Variants in CUBN observed in about 807,000 individuals in gnomAD.
The protein encoded by CUBN is 460 kDa receptor.
A neutral mutation model predicts 405.3 loss-of-function variants in CUBN; 282 were observed. The ratio of observed to expected loss-of-function variants is 0.70; its 90% CI spans 0.63 to 0.77. The LOEUF is 0.77. CUBN is among the 30% of genes least tolerant of loss of function. CUBN has a pLI of 0.00. For missense variants in CUBN, 4,514 were observed against 4,475.2 expected (o/e 1.01, Z -0.25); for synonymous variants, 1,684 against 1,617.0 (o/e 1.04, Z -0.99).
intron 31 of CUBN, chr10:16,965,979 T>C (rs1333794717): frequency 2.1e-6 from 1 of 471,132 alleles, no homozygotes; most frequent in South Asian, 1.5e-5. Context: ...TGATTAAACC[T>C]AGAGAAAAGG....
At chr10:16,869,970 C>A in intron 58 of CUBN, 117 bp from the exon 59 acceptor site, 1 of 747,586 alleles carries the variant, frequency 1.3e-6, no homozygotes, top group Non-Finnish European at 2.4e-6. Flanking sequence ...ATTCAAAACT[C>A]ACTTGATATG....
At chr10:17,017,762 A>G (rs1043377071) in intron 28 of CUBN, among the ~76,000 whole-genome samples, 3 of 152,162 alleles carry the variant, frequency 2.0e-5, no homozygotes, top group Non-Finnish European at 4.4e-5. Context: ...TGGAGTTTAT[A>G]TTAGAAATCA....
chr10:16,899,900 A>G (rs1325087400), intron 53 of CUBN, among the ~76,000 whole-genome samples: 5 of 152,266 alleles, frequency 3.3e-5, no homozygotes, highest in African/African-American at 9.6e-5. Context: ...TGACTCTACC[A>G]GAAATAATTG....
At chr10:17,053,284 A>T (rs182491149) in intron 22 of CUBN, among the ~76,000 whole-genome samples, 2 of 152,130 alleles carry the variant, frequency 1.3e-5, no homozygotes, top group Admixed American at 6.6e-5. Context: ...CAGAAAAAGC[A>T]GGACCCAATT....
At chr10:16,889,937 A>AAAAAAAAAAAAAAAAAAAAAAAAAC in intron 55 of CUBN, among the ~76,000 whole-genome samples, 1 of 121,650 alleles carries the variant, frequency 8.2e-6, no homozygotes, top group African/African-American at 3.6e-5. Flanking sequence ...CGCCGTGTCA[A>AAAAAAAAAAAAAAAAAAAAAAAAAC]AAAAAAAAAA....
At chr10:16,931,480 C>T (rs920463169) in intron 40 of CUBN, among the ~76,000 whole-genome samples, 1 of 152,162 alleles carries the variant, frequency 6.6e-6, no homozygotes, top group East Asian at 1.9e-4. Context: ...CACTTTAAAA[C>T]ATTTGTGTTG....
intron 31 of CUBN, among the ~76,000 whole-genome samples, chr10:16,974,955 T>C (rs11254310): frequency 0.029 from 4,386 of 152,310 alleles, 173 homozygotes; most frequent in East Asian, 0.19. Flanking sequence ...ATAAAACATA[T>C]AAAATATCTG....
At chr10:17,006,626 C>T (rs1398162255) in intron 28 of CUBN, among the ~76,000 whole-genome samples, 2 of 152,088 alleles carry the variant, frequency 1.3e-5, no homozygotes, top group African/African-American at 2.4e-5. Context: ...GAAACACTGC[C>T]GACCTCATGG....
chr10:16,835,752 T>C lies in CUBN; in HGVS notation c.10180+483A>G, dbSNP rs189708514. 3.5e-3 allele frequency among the ~76,000 whole-genome samples: 529 copies of C among 152,254 alleles called. 3 individuals are homozygous for C. The highest frequency in any genetic ancestry group is 0.012 in the African/African-American group (495 of 41,562). On this transcript the variant is annotated intron_variant, in intron 63 of 66. Coordinates refer to ENST00000377833, the MANE Select transcript of CUBN (RefSeq NM_001081.4). Reference sequence around the variant, plus strand: ...AAACTTCTTATAATAATCAGGTAACTCTTTCAAGGCTTTTTGATTTTTACA... The same window carrying C: ...AAACTTCTTATAATAATCAGGTAACCCTTTCAAGGCTTTTTGATTTTTACA...
intron 28 of CUBN, among the ~76,000 whole-genome samples, chr10:17,008,354 G>A (rs543116029): frequency 2.4e-5 from 3 of 125,356 alleles, no homozygotes; most frequent in African/African-American, 8.9e-5. Flanking sequence ...GTGTGTGTGT[G>A]GTGTGTGTGT....
chr10:16,978,396 A>G (rs2932903), intron 31 of CUBN, among the ~76,000 whole-genome samples: 132,338 of 152,252 alleles, frequency 0.87, 58,319 homozygotes, highest in Non-Finnish European at 0.96. Flanking sequence ...CCAAAATTTC[A>G]AAATGGTCTT....
intron 36 of CUBN, among the ~76,000 whole-genome samples, chr10:16,942,529 G>C (rs1842678261): frequency 1.3e-5 from 2 of 152,028 alleles, no homozygotes. Context: ...ACCACAAAGA[G>C]ATAACACTAC....
intron 22 of CUBN, among the ~76,000 whole-genome samples, chr10:17,064,191 A>G (rs530363634): frequency 1.9e-3 from 287 of 152,292 alleles, no homozygotes; most frequent in Non-Finnish European, 3.0e-3. Flanking sequence ...TACCTGGGAG[A>G]AAAGTATTGA....
chr10:17,014,420 G>T (rs966269165), intron 28 of CUBN, among the ~76,000 whole-genome samples: 2 of 152,122 alleles, frequency 1.3e-5, no homozygotes, highest in South Asian at 2.1e-4. Context: ...CTTGATTAGA[G>T]TATAGAGGGG....
At chr10:17,061,364 A>T (rs1043871184) in intron 22 of CUBN, among the ~76,000 whole-genome samples, 2 of 152,120 alleles carry the variant, frequency 1.3e-5, no homozygotes, top group African/African-American at 4.8e-5. Flanking sequence ...ACCTATTTTA[A>T]TCAGAATTTC....
chr10:17,128,559 C>T (rs1057318484), intron 2 of CUBN, among the ~76,000 whole-genome samples: 4 of 152,198 alleles, frequency 2.6e-5, no homozygotes, highest in Non-Finnish European at 5.9e-5. Context: ...CCTACTTCCT[C>T]GCATCCCCTG....
rs1179588849 is a variant in CUBN, at chr10:16,890,522, C to T, written c.8604G>A (p.Trp2868Ter). Reference protein sequence around the residue: ...GQCQNSFVKVWAGTEEVDKAL... With the variant: ...GQCQNSFVKV ...CTTTGTCCACCTCCTCAGTTCCTGC[C>T]CACACCTAGCACGGACATACACAGA... Residue 2868 changes from tryptophan to a stop codon, truncating the protein, a stop_gained, in exon 55 of 67, where the codon TGG becomes TGA. Transcript: ENST00000377833. LOFTEE classifies it high-confidence loss of function. The T allele has an allele frequency of 6.2e-7, 1 of 1,614,110 alleles. No homozygotes were observed. Among genetic ancestry groups the T allele is most frequent in the East Asian group, 2.2e-5 (1 of 44,878 alleles).
At chr10:16,916,400 C>A (rs1841886065) in intron 45 of CUBN, among the ~76,000 whole-genome samples, 1 of 152,134 alleles carries the variant, frequency 6.6e-6, no homozygotes, top group Non-Finnish European at 1.5e-5. Flanking sequence ...TGCCTAGTAC[C>A]CTGTGTTGAT....
chr10:16,852,237 TTCCA>T (rs1839733305), intron 59 of CUBN, among the ~76,000 whole-genome samples: 2 of 112,222 alleles, frequency 1.8e-5, no homozygotes, highest in African/African-American at 6.9e-5. Flanking sequence ...CCCTCCATCT[TTCCA>T]TCCCTCCCTC....
Sources: gnomAD v4.1 joint callset for allele counts (sites outside exome capture counted in the v4.1 genomes callset) on GRCh38, gnomAD v4.1.1 for gene constraint, MANE v1.5 for transcripts, NCBI Gene and HGNC (gene_info 2026-07-23, HGNC 2026-07-21) for gene names.